Variants in AGBL4 observed in about 807,000 individuals in gnomAD.
AGBL4 encodes AGBL carboxypeptidase 4.
Under a neutral mutation model 66.4 loss-of-function variants are expected in AGBL4, and 58 were observed. The observed-to-expected ratio is 0.87, with a 90% CI of 0.71 to 1.09. AGBL4 has a LOEUF of 1.09. Among genes scored for constraint, AGBL4 ranks in the 50% least tolerant of loss-of-function variants. The pLI, the probability that AGBL4 is intolerant of heterozygous loss-of-function variation, is 0.00. For synonymous variants in AGBL4, 234 were observed against 222.9 expected, an observed-to-expected ratio of 1.05 and a Z score of -0.44; for missense variants, 579 against 631.0, an observed-to-expected ratio of 0.92 and a Z score of 0.88.
chr1:49,677,370 T>C (rs1303483820), intron 3 of AGBL4, among the ~76,000 whole-genome samples: 3 of 152,140 alleles, frequency 2.0e-5, no homozygotes, highest in Non-Finnish European at 4.4e-5. Flanking sequence ...ATTTTTTTCA[T>C]CTTTAGCATA....
intron 3 of AGBL4, chr1:49,257,427 G>C (rs1023588798): frequency 6.4e-6 from 1 of 157,444 alleles, no homozygotes; most frequent in South Asian, 2.0e-4. Flanking sequence ...CTCTCAGACT[G>C]CTGTGCTAGC....
intron 3 of AGBL4, among the ~76,000 whole-genome samples, chr1:49,606,911 G>A (rs1156360812): frequency 6.6e-6 from 1 of 152,084 alleles, no homozygotes; most frequent in East Asian, 1.9e-4. Flanking sequence ...GCAAGGGTCT[G>A]TGGAGGCCTG....
intron 6 of AGBL4, among the ~76,000 whole-genome samples, chr1:48,733,028 A>G (rs1648404184): frequency 6.6e-6 from 1 of 152,146 alleles, no homozygotes; most frequent in African/African-American, 2.4e-5. Flanking sequence ...GACCTTGGTG[A>G]AAACACATTA....
At chr1:48,753,481 C>G (rs979151092) in intron 6 of AGBL4, among the ~76,000 whole-genome samples, 1 of 152,184 alleles carries the variant, frequency 6.6e-6, no homozygotes, top group Non-Finnish European at 1.5e-5. Flanking sequence ...CTTAAAGAAA[C>G]CAGTTCAGAC....
chr1:48,659,780 G>A (rs945424665), intron 7 of AGBL4, among the ~76,000 whole-genome samples: 3 of 152,224 alleles, frequency 2.0e-5, no homozygotes, highest in Admixed American at 6.5e-5. Flanking sequence ...CCTCATGGAG[G>A]CCCTGGCACC....
At chr1:49,057,590 T>C (rs1440397246) in intron 4 of AGBL4, among the ~76,000 whole-genome samples, 2 of 152,188 alleles carry the variant, frequency 1.3e-5, no homozygotes, top group African/African-American at 4.8e-5. Context: ...CACTTTTCCT[T>C]CCATTCATTC....
chr1:48,864,976 G>T (rs947973240), intron 6 of AGBL4, among the ~76,000 whole-genome samples: 3 of 151,868 alleles, frequency 2.0e-5, no homozygotes, highest in Non-Finnish European at 4.4e-5. Context: ...AACAAAATAA[G>T]ACTTTAAAGA....
chr1:49,722,481 T>C (rs766098161), intron 2 of AGBL4, among the ~76,000 whole-genome samples: 1 of 152,184 alleles, frequency 6.6e-6, no homozygotes, highest in Non-Finnish European at 1.5e-5. Context: ...CTTTAAAACA[T>C]ATTAAGAGCT....
intron 3 of AGBL4, among the ~76,000 whole-genome samples, chr1:49,356,989 C>T (rs1043683476): frequency 6.6e-6 from 1 of 152,188 alleles, no homozygotes; most frequent in Non-Finnish European, 1.5e-5. Context: ...ACAGCAACTC[C>T]AACAAGAAAT....
At chr1:49,536,838 G>A (rs1006107731) in intron 3 of AGBL4, among the ~76,000 whole-genome samples, 3 of 151,886 alleles carry the variant, frequency 2.0e-5, no homozygotes, top group Admixed American at 6.6e-5. Context: ...GCAAAACCCC[G>A]TCTCTACTAA....
chr1:49,447,388 A>C (rs1167270), intron 3 of AGBL4, among the ~76,000 whole-genome samples: 104,267 of 151,956 alleles, frequency 0.69, 36,540 homozygotes, highest in African/African-American at 0.78. Context: ...AGCTCTGGGT[A>C]CAGCCAATGC....
chr1:48,953,123 A>G (rs1350788456), intron 5 of AGBL4, among the ~76,000 whole-genome samples: 1 of 152,218 alleles, frequency 6.6e-6, no homozygotes, highest in Non-Finnish European at 1.5e-5. Context: ...TAACTGGCTG[A>G]TTAAACATAA....
chr1:49,225,454 G>C (rs1649841676), intron 4 of AGBL4, among the ~76,000 whole-genome samples: 1 of 152,100 alleles, frequency 6.6e-6, no homozygotes, highest in Non-Finnish European at 1.5e-5. Flanking sequence ...AAATACTAAG[G>C]AACTATGCAG....
At chr1:49,189,107 G>A (rs760955462) in intron 4 of AGBL4, among the ~76,000 whole-genome samples, 1 of 152,160 alleles carries the variant, frequency 6.6e-6, no homozygotes, top group African/African-American at 2.4e-5. Flanking sequence ...TTACCACACA[G>A]CCAGTGAGCA....
chr1:48,793,112 C>G (rs1320218823), intron 6 of AGBL4, among the ~76,000 whole-genome samples: 1 of 152,204 alleles, frequency 6.6e-6, no homozygotes, highest in Non-Finnish European at 1.5e-5. Flanking sequence ...CTGATGGCTT[C>G]TCACTTGGCA....
chr1:49,735,918 G>T lies in AGBL4; in HGVS notation c.158-38481C>A, dbSNP rs1482363126. 1.3e-5 allele frequency among the ~76,000 whole-genome samples: 2 copies of T among 152,048 alleles called. 1 individual carries two copies. Among genetic ancestry groups the T allele is most frequent in the East Asian group, 3.9e-4 (2 of 5,172 alleles). On this transcript the variant is annotated intron_variant, in intron 2 of 13. Coordinates refer to ENST00000371839, the MANE Select transcript of AGBL4 (RefSeq NM_032785.4). ...ATTGAAAAACAAAAATCACTGGAAA[G>T]TATCAACAGCAAGCCAGGCAAAAGA...
intron 3 of AGBL4, among the ~76,000 whole-genome samples, chr1:49,477,546 A>G (rs1646871431): frequency 6.6e-6 from 1 of 152,122 alleles, no homozygotes; most frequent in Non-Finnish European, 1.5e-5. Flanking sequence ...GATACAACTT[A>G]AATCACAACA....
At chr1:49,409,878 A>G (rs1167261) in intron 3 of AGBL4, among the ~76,000 whole-genome samples, 9,930 of 152,196 alleles carry the variant, frequency 0.065, 1,028 homozygotes, top group African/African-American at 0.22. Flanking sequence ...AGATCATCCC[A>G]GTCTGATTTA....
At chr1:48,884,280 A>G (rs1320478662) in intron 5 of AGBL4, among the ~76,000 whole-genome samples, 1 of 147,928 alleles carries the variant, frequency 6.8e-6, no homozygotes, top group Non-Finnish European at 1.5e-5. Context: ...AAGAGTTACA[A>G]TTTGTTTTTG....
Sources: allele counts gnomAD v4.1 joint callset (sites outside exome capture counted in the v4.1 genomes callset), GRCh38; gene constraint gnomAD v4.1.1; transcripts MANE v1.5; gene names NCBI Gene and HGNC (gene_info 2026-07-23, HGNC 2026-07-21).